LAMC1: variants seen among roughly 807,000 people sequenced by gnomAD.
LAMC1 encodes laminin subunit gamma-1.
Under a neutral mutation model 173.6 loss-of-function variants are expected in LAMC1, and 38 were observed. The ratio of observed to expected loss-of-function variants is 0.22; its 90% CI spans 0.17 to 0.29. The LOEUF is 0.29. Among genes scored for constraint, LAMC1 ranks in the 10% least tolerant of loss-of-function variants. The probability of loss-of-function intolerance (pLI) is 1.00; values close to 1 mark genes in which losing one functional copy is unlikely to be tolerated. For synonymous variants in LAMC1, 746 were observed against 749.1 expected (o/e 1.00, Z 0.07); for missense variants, 1,824 against 2,051.8 (o/e 0.89, Z 2.14).
At chr1:183,045,414 A>C (rs1036566507) in intron 1 of LAMC1, among the ~76,000 whole-genome samples, 1 of 152,024 alleles carries the variant, frequency 6.6e-6, no homozygotes, top group African/African-American at 2.4e-5. Context: ...ATTCCTAAAC[A>C]ATGTATTGTT....
chr1:183,053,250 A>G (rs1035402126), intron 1 of LAMC1, among the ~76,000 whole-genome samples: 2 of 152,230 alleles, frequency 1.3e-5, no homozygotes, highest in East Asian at 3.8e-4. Flanking sequence ...ATTTTCGACT[A>G]TAGCCATTAT....
chr1:183,134,397 G>T (rs1205227900), intron 22 of LAMC1, among the ~76,000 whole-genome samples: 1 of 152,174 alleles, frequency 6.6e-6, no homozygotes, highest in Non-Finnish European at 1.5e-5. Context: ...GGAGCTTCTT[G>T]GGTGATGGAA....
intron 1 of LAMC1, among the ~76,000 whole-genome samples, chr1:183,093,734 C>G (rs2102061475): frequency 6.6e-6 from 1 of 152,286 alleles, no homozygotes; most frequent in African/African-American, 2.4e-5. Context: ...ACTGAACTCC[C>G]AGTTTCTTAC....
Position 183,127,213 on chromosome 1 carries a change from C to T in LAMC1, c.2945-13C>T, listed in dbSNP as rs1656643806. ...TTTTGCTAATTATGTATTATTTTCT[C>T]CTTATTCTGCAGCCTGTGACTGTCA... On this transcript the variant is annotated splice_polypyrimidine_tract_variant and intron_variant, in intron 16 of 27. Transcript: ENST00000258341. The T allele has an allele frequency of 1.9e-6, 3 of 1,612,002 alleles. No homozygotes were observed. Among genetic ancestry groups the T allele is most frequent in the Admixed American group, 1.7e-5 (1 of 59,918 alleles).
At chr1:183,106,156 G>A (rs552707619) in intron 2 of LAMC1, among the ~76,000 whole-genome samples, 1 of 152,146 alleles carries the variant, frequency 6.6e-6, no homozygotes, top group South Asian at 2.1e-4. Flanking sequence ...AAACCTGCAG[G>A]GTCTAGCTCC....
chr1:183,086,054 A>G (rs1417313920), intron 1 of LAMC1, among the ~76,000 whole-genome samples: 8 of 152,224 alleles, frequency 5.3e-5, no homozygotes, highest in Non-Finnish European at 7.3e-5. Flanking sequence ...AAAAACAGGA[A>G]TGCCTATATC....
rs56152259 is a variant in LAMC1 at position 183,140,245 on chromosome 1, C to CAAAAAAAAAAAAAAAAAAAAAAA, written c.4474-139_4474-138insAAAAAAAAAAAAAAAAAAAAAAA. On this transcript the variant is annotated intron_variant, in intron 26 of 27. Coordinates refer to ENST00000258341, the MANE Select transcript of LAMC1 (RefSeq NM_002293.4). ...ATATGAAGATATGCAGCAGCCCCACCAAAAAAAAAAAAAAAAAAAAGCAAT... is the reference window on the plus strand; with the variant it reads ...ATATGAAGATATGCAGCAGCCCCACCAAAAAAAAAAAAAAAAAAAAAAAAAAAAAAAAAAAAAAAAAAAGCAAT... Among the ~76,000 whole-genome samples the CAAAAAAAAAAAAAAAAAAAAAAA allele has an allele frequency of 7.7e-4, 41 of 52,910 alleles. 3 individuals are homozygous for CAAAAAAAAAAAAAAAAAAAAAAA. The highest frequency in any genetic ancestry group is 2.6e-3 in the African/African-American group (37 of 14,130). The allele number at this position is 52,910 out of a possible 152,430, so 34.7% of individuals were successfully genotyped here.
intron 1 of LAMC1, among the ~76,000 whole-genome samples, chr1:183,045,020 TCCAGTGAAC>T (rs1438158329): frequency 6.6e-6 from 1 of 152,032 alleles, no homozygotes; most frequent in East Asian, 1.9e-4. Context: ...AATACTGATT[TCCAGTGAAC>T]CCAGGGATTA....
intron 13 of LAMC1, among the ~76,000 whole-genome samples, 153 bp downstream of exon 13, chr1:183,122,404 T>C (rs1656502666): frequency 2.0e-5 from 3 of 152,240 alleles, no homozygotes; most frequent in Admixed American, 1.3e-4. Context: ...TCTCCTTGTT[T>C]CCTTCCATCT....
At position 183,145,197 on chromosome 1, in the gene LAMC1, TC is replaced by T. The variant is rs1321048002; in HGVS notation, c.*2408del. The T allele has an allele frequency of 6.6e-6, 1 of 152,504 alleles. No homozygotes were observed. The highest frequency in any genetic ancestry group is 1.5e-5 in the Non-Finnish European group (1 of 68,036). 9.4% of individuals were successfully genotyped at this position (152,504 alleles called of 1,614,324 possible). On this transcript the variant is annotated 3_prime_UTR_variant, in exon 28 of 28. Transcript: ENST00000258341. Reference sequence around the variant, plus strand: ...TAACTTTCTTTTTGTTATTTGCTTTTCTCCTCCACCTGTGTGGTATATTTTT... The same window carrying T: ...TAACTTTCTTTTTGTTATTTGCTTTTTCCTCCACCTGTGTGGTATATTTTT...
intron 27 of LAMC1, 141 bp from the exon 28 acceptor site, chr1:183,142,391 CAT>C (rs1176222438): frequency 1.3e-4 from 101 of 791,816 alleles, no homozygotes; most frequent in Non-Finnish European, 1.9e-4. Context: ...CATTGTGTGA[CAT>C]CAACAATCTG....
At chr1:183,129,321 C>T (rs1341660285) in intron 18 of LAMC1, among the ~76,000 whole-genome samples, 1 of 152,048 alleles carries the variant, frequency 6.6e-6, no homozygotes, top group African/African-American at 2.4e-5. Flanking sequence ...ATCTCCTGAC[C>T]TCGTGATTTG....
intron 1 of LAMC1, among the ~76,000 whole-genome samples, chr1:183,089,134 TG>T (rs1655504467): frequency 1.3e-5 from 2 of 152,210 alleles, no homozygotes; most frequent in Admixed American, 1.3e-4. Flanking sequence ...ACCAAGTCTC[TG>T]GCATCAGATC....
chr1:183,116,562 T>A lies in LAMC1; in HGVS notation c.1329-15T>A. ...CTCCCTTCTCTGATTGTTTTATCCATTTTTCATTGAATAGGCCATGCTCTT... is the reference window on the plus strand; with the variant it reads ...CTCCCTTCTCTGATTGTTTTATCCAATTTTCATTGAATAGGCCATGCTCTT... On this transcript the variant is annotated splice_polypyrimidine_tract_variant and intron_variant, in intron 6 of 27. Transcript: ENST00000258341. 1 of 1,535,830 alleles carries A rather than the reference T, an allele frequency of 6.5e-7. No homozygotes were observed. Among genetic ancestry groups the A allele is most frequent in the African/African-American group, 1.4e-5 (1 of 73,404 alleles).
chr1:183,132,076 A>G (rs1192984513), intron 20 of LAMC1, among the ~76,000 whole-genome samples: 1 of 152,220 alleles, frequency 6.6e-6, no homozygotes, highest in East Asian at 1.9e-4. Context: ...AGGCGGGTGG[A>G]TCACCTAAGG....
chr1:183,075,297 A>G (rs1655097921), intron 1 of LAMC1, among the ~76,000 whole-genome samples: 1 of 151,934 alleles, frequency 6.6e-6, no homozygotes, highest in Admixed American at 6.6e-5. Flanking sequence ...GCTAATTTTT[A>G]CAAGGACAGG....
At chr1:183,138,628 C>T (rs1010160180) in intron 26 of LAMC1, 1 of 152,146 alleles carries the variant, frequency 6.6e-6, no homozygotes, top group Non-Finnish European at 1.5e-5. Context: ...TCAGTAAAAA[C>T]TCTAGGGAAG....
chr1:183,110,694 G>T, intron 4 of LAMC1, 40 bp downstream of exon 4: 1 of 1,597,648 alleles, frequency 6.3e-7, no homozygotes. Context: ...TTGTCTTAAG[G>T]ACTTCCAAGG....
intron 3 of LAMC1, among the ~76,000 whole-genome samples, chr1:183,109,005 T>C (rs545449874): frequency 3.3e-5 from 5 of 152,292 alleles, no homozygotes; most frequent in African/African-American, 1.2e-4. Flanking sequence ...AGCAGAAGTT[T>C]AGAGACGGGA....
Sources: allele counts gnomAD v4.1 joint callset (sites outside exome capture counted in the v4.1 genomes callset), GRCh38; gene constraint gnomAD v4.1.1; transcripts MANE v1.5; gene names NCBI Gene and HGNC (gene_info 2026-07-23, HGNC 2026-07-21).